Variants in LRRC42 observed in about 807,000 individuals in gnomAD.
LRRC42 encodes leucine rich repeat containing 42.
LRRC42 carries 43 observed loss-of-function variants against 44.3 expected under a neutral mutation model. That is an observed-to-expected ratio of 0.97 (90% CI 0.76 to 1.25). The LOEUF is 1.25. LRRC42 is among the 50% of genes most tolerant of loss of function. LRRC42 has a pLI of 0.00. For synonymous variants in LRRC42, 207 were observed against 195.2 expected, an observed-to-expected ratio of 1.06 and a Z score of -0.50; for missense variants, 540 against 509.1, an observed-to-expected ratio of 1.06 and a Z score of -0.58.
chr1:53,946,854 G>A (rs1428931618), intron 1 of LRRC42, among the ~76,000 whole-genome samples: 3 of 151,348 alleles, frequency 2.0e-5, no homozygotes, highest in Non-Finnish European at 2.9e-5. Flanking sequence ...AAGAAGGAAG[G>A]GGGAAGGGAA....
intron 7 of LRRC42, among the ~76,000 whole-genome samples, chr1:53,965,469 T>C (rs989724015): frequency 6.6e-6 from 1 of 151,754 alleles, no homozygotes; most frequent in African/African-American, 2.4e-5. Context: ...TTCAGGCATA[T>C]TTCTTTTTTC....
Position 53,950,311 on chromosome 1 carries a change from A to T in LRRC42, c.-14-1675A>T, listed in dbSNP as rs12081044. Among the ~76,000 whole-genome samples, 1,043 of 152,378 alleles carry T rather than the reference A, an allele frequency of 6.8e-3. 17 individuals carry two copies. The highest frequency in any genetic ancestry group is 0.024 in the African/African-American group (979 of 41,594). ...AGCATGGCCAGTTTACCTGGGTAGT[A>T]TGACAGGGCCAAAGAGTAGGACATA... On this transcript the variant is annotated intron_variant, in intron 2 of 8. Transcript: ENST00000371370.
rs756867725 is a variant in LRRC42, at chr1:53,952,325, G to A, written c.326G>A (p.Gly109Asp). ...GTGGATCACATTGATTCCCTTATTG[G>A]CTTTCCTGAGCAGATTGCTGAAAAG... Reference protein sequence around the residue: ...DNVDHIDSLIGFPEQIAEKLF... With the variant: ...DNVDHIDSLIDFPEQIAEKLF... The change falls in exon 3 of 9, where the codon GGC becomes GAC. Residue 109 changes from glycine (G) to aspartate (D), a missense_variant. By Grantham distance (94) the Gly-to-Asp change is moderately conservative. Coordinates refer to ENST00000371370, the MANE Select transcript of LRRC42 (RefSeq NM_001256409.2). The A allele has an allele frequency of 6.2e-7, 1 of 1,614,148 alleles. No individual in the cohort carries two copies. The highest frequency in any genetic ancestry group is 1.7e-5 in the Admixed American group (1 of 60,020).
chr1:53,946,830 G>A (rs1389730800), intron 1 of LRRC42, among the ~76,000 whole-genome samples: 4 of 151,682 alleles, frequency 2.6e-5, no homozygotes, highest in African/African-American at 9.7e-5. Context: ...AGGCATGCTT[G>A]GGGAGAGAGC....
chr1:53,953,513 A>G (rs757595648), intron 3 of LRRC42, among the ~76,000 whole-genome samples: 16 of 152,080 alleles, frequency 1.1e-4, no homozygotes, highest in Non-Finnish European at 2.1e-4. Flanking sequence ...GGCATATGCC[A>G]CCATGCCCAG....
rs565234587 is a variant in LRRC42, at chr1:53,960,556, AG to A, written c.724+83del. On this transcript the variant is annotated intron_variant, in intron 5 of 8. Coordinates refer to ENST00000371370, the MANE Select transcript of LRRC42 (RefSeq NM_001256409.2). ...TCATGTAGTTCTTCCTCTTCATTTT[AG>A]AGGTGAGAAAGGAAAGGTGACTTTC... 1.6e-4 allele frequency: 166 copies of A among 1,048,298 alleles called. 3 individuals are homozygous for A. In the South Asian group the frequency reaches 2.4e-3, roughly 15 times the overall value. The allele number at this position is 1,048,298 out of a possible 1,614,324, so 64.9% of individuals were successfully genotyped here.
At chr1:53,956,385 T>C (rs1654843423) in intron 3 of LRRC42, among the ~76,000 whole-genome samples, 1 of 152,232 alleles carries the variant, frequency 6.6e-6, no homozygotes, top group Non-Finnish European at 1.5e-5. Flanking sequence ...ATAATAGTAA[T>C]AGCTACTATT....
intron 5 of LRRC42, 122 bp from the exon 6 acceptor site, chr1:53,961,912 G>C: frequency 1.5e-6 from 1 of 681,970 alleles, no homozygotes; most frequent in South Asian, 1.9e-5. Context: ...ACTTTGAAAA[G>C]TTTGCCAACT....
chr1:53,948,177 A>C (rs1213217544), intron 2 of LRRC42, among the ~76,000 whole-genome samples: 2 of 152,144 alleles, frequency 1.3e-5, no homozygotes, highest in African/African-American at 4.8e-5. Flanking sequence ...TGTTATTCTT[A>C]GGGGATTTTT....
At chr1:53,966,165 A>T in intron 7 of LRRC42, 131 bp from the exon 8 acceptor site, 1 of 662,430 alleles carries the variant, frequency 1.5e-6, no homozygotes, top group Non-Finnish European at 2.7e-6. Context: ...TATTCTTATC[A>T]CCAGTCATCT....
At chr1:53,963,184 T>C (rs1655041158) in intron 7 of LRRC42, among the ~76,000 whole-genome samples, 1 of 152,202 alleles carries the variant, frequency 6.6e-6, no homozygotes, top group African/African-American at 2.4e-5. Context: ...ATCCACCTGC[T>C]GGATTGTAGC....
intron 7 of LRRC42, among the ~76,000 whole-genome samples, chr1:53,963,401 T>G (rs1009067800): frequency 9.9e-5 from 15 of 152,162 alleles, no homozygotes; most frequent in South Asian, 2.1e-4. Context: ...TGGTAGCAGG[T>G]GACATGGTGG....
chr1:53,951,048 C>T lies in LRRC42; in HGVS notation c.-14-938C>T, dbSNP rs186291004. Among the ~76,000 whole-genome samples, 151 of 152,274 alleles carry T rather than the reference C, an allele frequency of 9.9e-4. 1 individual carries two copies. Among genetic ancestry groups the T allele is most frequent in the Non-Finnish European group, 1.2e-3 (82 of 68,018 alleles). ...TGTTATAGAGTCTGCATGAATTCAG[C>T]GTGGTTCCTTTTCTCAAGGAGCCCA... On this transcript the variant is annotated intron_variant, in intron 2 of 8. Transcript: ENST00000371370.
intron 5 of LRRC42, among the ~76,000 whole-genome samples, chr1:53,961,135 CG>C (rs1220882075): frequency 6.6e-6 from 1 of 151,960 alleles, no homozygotes; most frequent in Non-Finnish European, 1.5e-5. Flanking sequence ...CCTGGCTGGG[CG>C]CGGTGGCTCA....
At chr1:53,967,473 G>C (rs1557650557) in intron 8 of LRRC42, among the ~76,000 whole-genome samples, 192 bp from the exon 9 acceptor site, 1 of 152,196 alleles carries the variant, frequency 6.6e-6, no homozygotes, top group Non-Finnish European at 1.5e-5. Flanking sequence ...AAATCTGTCA[G>C]ACTGTAGTAT....
rs1367492485 is a variant in LRRC42, at chr1:53,960,487, C to T, written c.724+13C>T. The T allele has an allele frequency of 7.2e-6, 11 of 1,522,672 alleles. No homozygotes were observed. In the East Asian group the frequency reaches 9.0e-5, roughly 12 times the overall value. 94.3% of individuals were successfully genotyped at this position (1,522,672 alleles called of 1,614,324 possible). A position where few individuals can be genotyped will look rare whatever the true frequency, so the allele number is the denominator to read the frequency against. On this transcript the variant is annotated intron_variant, in intron 5 of 8. Coordinates refer to ENST00000371370, the MANE Select transcript of LRRC42 (RefSeq NM_001256409.2). ...TTAGACTTATCATGTAAGTTTTCTT[C>T]GAAATTATAGATTATTTTAATGTTG...
chr1:53,966,733 T>C (rs982321329), intron 8 of LRRC42, among the ~76,000 whole-genome samples: 4 of 151,968 alleles, frequency 2.6e-5, no homozygotes, highest in African/African-American at 9.7e-5. Context: ...ATAAACAAAA[T>C]GTGAAATATA....
At chr1:53,967,448 C>G (rs1281204496) in intron 8 of LRRC42, among the ~76,000 whole-genome samples, 1 of 152,146 alleles carries the variant, frequency 6.6e-6, no homozygotes, top group Non-Finnish European at 1.5e-5. Context: ...AGAGGCAGAT[C>G]TAGGATTTAA....
At chr1:53,960,140 T>G (rs1569840274) in intron 4 of LRRC42, among the ~76,000 whole-genome samples, 1 of 152,070 alleles carries the variant, frequency 6.6e-6, no homozygotes, top group Non-Finnish European at 1.5e-5. Flanking sequence ...GCCCAAGTGA[T>G]CCTCCAGCCT....
Sources: gnomAD v4.1 joint callset for allele counts (sites outside exome capture counted in the v4.1 genomes callset) on GRCh38, gnomAD v4.1.1 for gene constraint, MANE v1.5 for transcripts, NCBI Gene and HGNC (gene_info 2026-07-23, HGNC 2026-07-21) for gene names.